The following FGF14 variants were observed in gnomAD, a reference collection of about 807,000 sequenced individuals.
The protein encoded by FGF14 is fibroblast growth factor 14.
A neutral mutation model predicts 25.5 loss-of-function variants in FGF14; 5 were observed. The observed-to-expected ratio is 0.20, with a 90% confidence interval of 0.10 to 0.41. FGF14 has a LOEUF of 0.41. Ranked by LOEUF, FGF14 falls within the 10% of genes least tolerant of loss-of-function variation. FGF14 has a pLI of 1.00. For missense variants in FGF14, 222 were observed against 320.1 expected (o/e 0.69, Z 2.34); for synonymous variants, 138 against 118.3 (o/e 1.17, Z -1.08).
chr13:101,899,152 A>T (rs1006178288), intron 1 of FGF14, among the ~76,000 whole-genome samples: 2 of 152,174 alleles, frequency 1.3e-5, no homozygotes, highest in African/African-American at 4.8e-5. Flanking sequence ...GCCAATTTCA[A>T]ATATATTTCA....
chr13:102,180,954 C>A (rs967176756), intron 1 of FGF14, among the ~76,000 whole-genome samples: 1 of 152,074 alleles, frequency 6.6e-6, no homozygotes, highest in African/African-American at 2.4e-5. Flanking sequence ...TTTTAAAAAT[C>A]ATGTTTATAT....
At chr13:101,783,805 T>C (rs2140044230) in intron 3 of FGF14, among the ~76,000 whole-genome samples, 1 of 152,326 alleles carries the variant, frequency 6.6e-6, no homozygotes, top group African/African-American at 2.4e-5. Flanking sequence ...GTTTTCACAG[T>C]TTTGCATTTT....
chr13:101,904,853 C>T (rs1216498038), intron 1 of FGF14, among the ~76,000 whole-genome samples: 1 of 152,158 alleles, frequency 6.6e-6, no homozygotes. Context: ...AACAGGAAAC[C>T]TTTGCTCATG....
chr13:102,186,366 C>A (rs900833828), intron 1 of FGF14, among the ~76,000 whole-genome samples: 3 of 152,056 alleles, frequency 2.0e-5, no homozygotes, highest in African/African-American at 7.2e-5. Flanking sequence ...TCACTGACTG[C>A]CAATGTTGAC....
At chr13:101,769,503 CA>C in intron 3 of FGF14, among the ~76,000 whole-genome samples, 1 of 152,092 alleles carries the variant, frequency 6.6e-6, no homozygotes, top group Non-Finnish European at 1.5e-5. Flanking sequence ...AACCTGCATG[CA>C]AATATCTATG....
At chr13:102,074,196 T>C (rs189835314) in intron 1 of FGF14, among the ~76,000 whole-genome samples, 126 of 152,274 alleles carry the variant, frequency 8.3e-4, no homozygotes, top group African/African-American at 2.8e-3. Context: ...ATTTTTTTTG[T>C]AGAGATGGGG....
chr13:101,793,848 C>T (rs1383732536), intron 3 of FGF14, among the ~76,000 whole-genome samples: 1 of 152,050 alleles, frequency 6.6e-6, no homozygotes, highest in African/African-American at 2.4e-5. Context: ...ATTCCCTTCA[C>T]ATTTTATTTT....
chr13:102,300,684 G>T (rs534334107), intron 1 of FGF14, among the ~76,000 whole-genome samples: 1 of 152,100 alleles, frequency 6.6e-6, no homozygotes, highest in African/African-American at 2.4e-5. Context: ...TTGAAATACT[G>T]TACCCATTAC....
chr13:102,038,538 C>T (rs975579073), intron 1 of FGF14, among the ~76,000 whole-genome samples: 1 of 152,152 alleles, frequency 6.6e-6, no homozygotes, highest in Admixed American at 6.6e-5. Context: ...TCACATTCAT[C>T]ATGAATAACT....
At chr13:102,330,514 GACAC>G (rs777901266) in intron 1 of FGF14, among the ~76,000 whole-genome samples, 1 of 151,942 alleles carries the variant, frequency 6.6e-6, no homozygotes, top group African/African-American at 2.4e-5. Flanking sequence ...ATACTCTCTT[GACAC>G]AGGAATAATT....
intron 1 of FGF14, among the ~76,000 whole-genome samples, chr13:102,243,503 CAATT>C (rs1472793584): frequency 1.3e-5 from 2 of 151,884 alleles, no homozygotes; most frequent in African/African-American, 4.8e-5. Context: ...TCAATTGAAA[CAATT>C]AACAACAAAA....
chr13:101,731,913 A>G (rs2035836593), intron 3 of FGF14, among the ~76,000 whole-genome samples: 1 of 152,204 alleles, frequency 6.6e-6, no homozygotes, highest in South Asian at 2.1e-4. Flanking sequence ...AAAGATCTTT[A>G]TGGCTCACAA....
chr13:102,326,769 A>G (rs936154862), intron 1 of FGF14, among the ~76,000 whole-genome samples: 2 of 138,910 alleles, frequency 1.4e-5, no homozygotes, highest in African/African-American at 3.1e-5. Flanking sequence ...GAGGGAAGGA[A>G]GGAAGAAAAA....
chr13:102,109,999 T>C (rs1275883633), intron 1 of FGF14, among the ~76,000 whole-genome samples: 1 of 152,158 alleles, frequency 6.6e-6, no homozygotes, highest in African/African-American at 2.4e-5. Context: ...AAGAGACAAA[T>C]AGATTAAAGA....
At chr13:102,195,323 A>G (rs1245575878) in intron 1 of FGF14, among the ~76,000 whole-genome samples, 2 of 152,170 alleles carry the variant, frequency 1.3e-5, no homozygotes, top group African/African-American at 4.8e-5. Context: ...ATAATCTGTA[A>G]ATATTTATTC....
At position 101,712,608 on chromosome 13, in the gene FGF14, C is replaced by A. The variant is rs1322537591; in HGVS notation, c.*10223G>T. The A allele has an allele frequency of 6.6e-6, 1 of 152,048 alleles. No individual in the cohort carries two copies. The highest frequency in any genetic ancestry group is 1.9e-4 in the East Asian group (1 of 5,200). 9.4% of individuals were successfully genotyped at this position (152,048 alleles called of 1,614,324 possible). The stretch of plus-strand genomic sequence containing the variant: ...TACTTTAGAAACAACTAAAGACAGC[C>A]AAATACTTCAAATAACTAATTTTCC... On this transcript the variant is annotated 3_prime_UTR_variant, in exon 5 of 5. Coordinates refer to ENST00000376143, the MANE Select transcript of FGF14 (RefSeq NM_004115.4).
At chr13:102,156,354 A>G (rs2047337931) in intron 1 of FGF14, among the ~76,000 whole-genome samples, 1 of 152,238 alleles carries the variant, frequency 6.6e-6, no homozygotes, top group South Asian at 2.1e-4. Context: ...GGCTGGTTCA[A>G]CACACAAAAA....
chr13:102,133,244 CAT>C (rs1202702607), intron 1 of FGF14, among the ~76,000 whole-genome samples: 2 of 152,142 alleles, frequency 1.3e-5, no homozygotes, highest in Admixed American at 1.3e-4. Context: ...GCTTTTTGAT[CAT>C]AGTTATTATA....
chr13:101,769,035 G>A (rs541240974), intron 3 of FGF14, among the ~76,000 whole-genome samples: 2 of 152,066 alleles, frequency 1.3e-5, no homozygotes, highest in Non-Finnish European at 2.9e-5. Flanking sequence ...AGAAACCACA[G>A]ACTGGGAGGA....
Sources: allele counts gnomAD v4.1 joint callset (sites outside exome capture counted in the v4.1 genomes callset), GRCh38; gene constraint gnomAD v4.1.1; transcripts MANE v1.5; gene names NCBI Gene and HGNC (gene_info 2026-07-23, HGNC 2026-07-21).